Variants in DGKG observed in about 807,000 individuals in gnomAD.
DGKG encodes diacylglycerol kinase gamma.
DGKG carries 78 observed loss-of-function variants against 105.3 expected under a neutral mutation model. The ratio of observed to expected loss-of-function variants is 0.74; its 90% CI spans 0.62 to 0.89. DGKG has a LOEUF of 0.89. Ranked by LOEUF, DGKG falls within the 40% of genes least tolerant of loss-of-function variation. The probability of loss-of-function intolerance (pLI) is 0.00; values close to 1 mark genes in which losing one functional copy is unlikely to be tolerated. For missense variants in DGKG, 958 were observed against 1,020.1 expected (o/e 0.94, Z 0.83); for synonymous variants, 346 against 367.1 (o/e 0.94, Z 0.66).
At chr3:186,206,869 C>T (rs1676832903) in intron 21 of DGKG, among the ~76,000 whole-genome samples, 1 of 152,156 alleles carries the variant, frequency 6.6e-6, no homozygotes, top group South Asian at 2.1e-4. Flanking sequence ...CCTGCCTCAG[C>T]CCCCCGAGTA....
chr3:186,239,246 A>G (rs9851663), intron 20 of DGKG, among the ~76,000 whole-genome samples: 3,021 of 152,314 alleles, frequency 0.02, 101 homozygotes, highest in African/African-American at 0.069. Context: ...ACAACTCCCA[A>G]GATTTAACCT....
intron 24 of DGKG, among the ~76,000 whole-genome samples, chr3:186,151,979 T>C (rs1158839954): frequency 1.3e-5 from 2 of 152,082 alleles, no homozygotes; most frequent in African/African-American, 4.8e-5. Flanking sequence ...CGTGGGAGGC[T>C]GAGGTAGGAG....
chr3:186,157,954 C>T (rs1165695673), intron 24 of DGKG, among the ~76,000 whole-genome samples: 1 of 152,174 alleles, frequency 6.6e-6, no homozygotes, highest in African/African-American at 2.4e-5. Context: ...CCTCGTGCCT[C>T]AGCCTCCCAA....
chr3:186,155,956 ACTT>A (rs1378981120), intron 24 of DGKG, among the ~76,000 whole-genome samples: 3 of 151,788 alleles, frequency 2.0e-5, no homozygotes, highest in Non-Finnish European at 2.9e-5. Context: ...AGCCCATGAC[ACTT>A]CTTCTATGAA....
intron 21 of DGKG, among the ~76,000 whole-genome samples, chr3:186,208,581 T>C (rs1222416574): frequency 1.3e-5 from 2 of 152,252 alleles, no homozygotes; most frequent in African/African-American, 4.8e-5. Flanking sequence ...GCCCTGCCTG[T>C]TCTGTGCATC....
At chr3:186,334,688 T>A (rs1725748104) in intron 1 of DGKG, among the ~76,000 whole-genome samples, 1 of 152,154 alleles carries the variant, frequency 6.6e-6, no homozygotes, top group African/African-American at 2.4e-5. Flanking sequence ...TCATAACAAC[T>A]CTGTTAGGTG....
intron 9 of DGKG, among the ~76,000 whole-genome samples, chr3:186,275,945 GATCTATCTATCTATCT>G (rs146027394): frequency 1.1e-3 from 157 of 148,700 alleles, no homozygotes; most frequent in Middle Eastern, 3.4e-3. Flanking sequence ...ACAACAATCT[GATCTATCTATCTATCT>G]ATCTATCTAT....
chr3:186,333,547 C>T (rs1725695678), intron 1 of DGKG, among the ~76,000 whole-genome samples: 1 of 152,182 alleles, frequency 6.6e-6, no homozygotes. Flanking sequence ...ATTTTCCTTT[C>T]TTTCCAATCT....
chr3:186,179,262 G>C (rs11920963), intron 22 of DGKG, among the ~76,000 whole-genome samples: 25,347 of 152,186 alleles, frequency 0.17, 2,827 homozygotes, highest in African/African-American at 0.31. Flanking sequence ...TTTAAATATT[G>C]CCTATGGTGG....
At chr3:186,223,285 G>A (rs1456058655) in intron 20 of DGKG, among the ~76,000 whole-genome samples, 1 of 151,690 alleles carries the variant, frequency 6.6e-6, no homozygotes, top group Non-Finnish European at 1.5e-5. Flanking sequence ...GAATGGAGAC[G>A]CCAGAGGGAG....
intron 20 of DGKG, among the ~76,000 whole-genome samples, chr3:186,232,020 T>C (rs1434541182): frequency 2.0e-5 from 3 of 152,194 alleles, no homozygotes; most frequent in African/African-American, 7.2e-5. Context: ...CTGGTTCTTT[T>C]GAGATACAGC....
intron 14 of DGKG, among the ~76,000 whole-genome samples, chr3:186,263,144 A>C (rs1358746968): frequency 6.7e-6 from 1 of 149,674 alleles, no homozygotes; most frequent in Non-Finnish European, 1.5e-5. Flanking sequence ...AAAAACAAAC[A>C]AACAAACAAA....
intron 24 of DGKG, chr3:186,160,579 T>C (rs1028779251): frequency 1.0e-6 from 1 of 985,296 alleles, no homozygotes; most frequent in African/African-American, 1.7e-5. Context: ...TCTCAGCAGG[T>C]TCATGGAAAC....
At chr3:186,297,929 C>T in intron 4 of DGKG, 135 bp downstream of exon 4, 4 of 995,242 alleles carry the variant, frequency 4.0e-6, no homozygotes, top group East Asian at 2.5e-5. Flanking sequence ...GAAAGGCGTC[C>T]CTGTCCCTTG....
chr3:186,353,286 G>T (rs1032194578), intron 1 of DGKG, among the ~76,000 whole-genome samples: 3 of 152,034 alleles, frequency 2.0e-5, no homozygotes, highest in Non-Finnish European at 4.4e-5. Flanking sequence ...CCTTTGAGAG[G>T]TTAGGAGGGT....
chr3:186,263,944 A>G (rs939465232), intron 14 of DGKG, among the ~76,000 whole-genome samples: 10 of 152,222 alleles, frequency 6.6e-5, no homozygotes, highest in African/African-American at 2.4e-4. Context: ...AGCATTTCCG[A>G]TGATCTAAAA....
chr3:186,292,317 TTGTGTGTGATTTAACACACAAAGTA>T (rs1334097886), intron 5 of DGKG, among the ~76,000 whole-genome samples: 2 of 152,180 alleles, frequency 1.3e-5, no homozygotes, highest in African/African-American at 2.4e-5. Flanking sequence ...TTGTGTTCAG[TTGTGTGTGATTTAACACACAAAGTA>T]TGTGTGTGTG....
At chr3:186,190,608 C>T (rs1463841973) in intron 21 of DGKG, among the ~76,000 whole-genome samples, 2 of 152,200 alleles carry the variant, frequency 1.3e-5, no homozygotes, top group Non-Finnish European at 2.9e-5. Flanking sequence ...CTTCATTGCC[C>T]AGATCATCTC....
At position 186,359,712 on chromosome 3, in the gene DGKG, G is replaced by A. The variant is rs1727138835; in HGVS notation, c.-249+2234C>T. On this transcript the variant is annotated intron_variant, in intron 1 of 24. Transcript: ENST00000265022. The stretch of plus-strand genomic sequence containing the variant: ...CTTATTAGGCACCCAATAAATGCTG[G>A]CTCTCTATGGATTGTATAATTTCGA... 2.6e-5 allele frequency among the ~76,000 whole-genome samples: 4 copies of A among 152,216 alleles called. No individual in the cohort carries two copies. In the South Asian group the frequency reaches 8.3e-4, roughly 32 times the overall value.
Sources: allele counts gnomAD v4.1 joint callset (sites outside exome capture counted in the v4.1 genomes callset), GRCh38; gene constraint gnomAD v4.1.1; transcripts MANE v1.5; gene names NCBI Gene and HGNC (gene_info 2026-07-23, HGNC 2026-07-21).